Variants in MECOM observed in about 807,000 individuals in gnomAD.
MECOM encodes histone-lysine N-methyltransferase MECOM.
MECOM carries 13 observed loss-of-function variants against 116.3 expected under a neutral mutation model. That is an observed-to-expected ratio of 0.11 (90% CI 0.07 to 0.18). The LOEUF is 0.18. Among genes scored for constraint, MECOM ranks in the 10% least tolerant of loss-of-function variants. The probability of loss-of-function intolerance (pLI) is 1.00; values close to 1 mark genes in which losing one functional copy is unlikely to be tolerated. For synonymous variants in MECOM, 528 were observed against 535.2 expected, an observed-to-expected ratio of 0.99 and a Z score of 0.19; for missense variants, 1,299 against 1,509.0, an observed-to-expected ratio of 0.86 and a Z score of 2.31.
At chr3:169,585,130 A>G (rs1225947066) in intron 1 of MECOM, among the ~76,000 whole-genome samples, 1 of 152,214 alleles carries the variant, frequency 6.6e-6, no homozygotes, top group African/African-American at 2.4e-5. Flanking sequence ...TATGGATTAG[A>G]GGTCTTAGAA....
chr3:169,485,240 C>G (rs937168428), intron 1 of MECOM, among the ~76,000 whole-genome samples: 2 of 152,118 alleles, frequency 1.3e-5, no homozygotes, highest in African/African-American at 4.8e-5. Flanking sequence ...GGTGATCTAA[C>G]CGCCTCGGCC....
chr3:169,128,856 G>A (rs1264350053), intron 4 of MECOM, among the ~76,000 whole-genome samples: 3 of 152,104 alleles, frequency 2.0e-5, no homozygotes, highest in Non-Finnish European at 4.4e-5. Flanking sequence ...GGTAGTGATG[G>A]CATTGTTTCT....
chr3:169,623,372 C>T (rs753115157), intron 1 of MECOM, among the ~76,000 whole-genome samples: 30 of 152,052 alleles, frequency 2.0e-4, no homozygotes, highest in African/African-American at 2.9e-4. Flanking sequence ...TAAGTATTAT[C>T]GAAGAATGAT....
chr3:169,209,123 G>C (rs989363546), intron 2 of MECOM, among the ~76,000 whole-genome samples: 1 of 152,142 alleles, frequency 6.6e-6, no homozygotes, highest in African/African-American at 2.4e-5. Context: ...AAATGGTGCT[G>C]GAAAATCTGG....
intron 2 of MECOM, among the ~76,000 whole-genome samples, chr3:169,161,751 A>G (rs542981349): frequency 3.3e-5 from 5 of 152,052 alleles, no homozygotes; most frequent in African/African-American, 1.2e-4. Context: ...ATGCTATGTG[A>G]GTTTTGAAAT....
chr3:169,190,939 TCTA>T, intron 2 of MECOM, among the ~76,000 whole-genome samples: 1 of 151,966 alleles, frequency 6.6e-6, no homozygotes, highest in Non-Finnish European at 1.5e-5. Flanking sequence ...GGTGGCCACA[TCTA>T]CTCTTACACT....
chr3:169,440,665 A>G (rs1337606230), intron 1 of MECOM, among the ~76,000 whole-genome samples: 1 of 152,188 alleles, frequency 6.6e-6, no homozygotes, highest in Non-Finnish European at 1.5e-5. Context: ...TCATACTTGT[A>G]ATGAGACCTG....
At chr3:169,601,701 G>A (rs1461792254) in intron 1 of MECOM, among the ~76,000 whole-genome samples, 10 of 152,148 alleles carry the variant, frequency 6.6e-5, no homozygotes, top group Admixed American at 6.5e-4. Flanking sequence ...GTCACACTTA[G>A]AAGACATGAA....
At chr3:169,103,578 T>A (rs965944768) in intron 10 of MECOM, among the ~76,000 whole-genome samples, 1 of 152,180 alleles carries the variant, frequency 6.6e-6, no homozygotes, top group Non-Finnish European at 1.5e-5. Flanking sequence ...ACTGAGATGA[T>A]CACTGCAAAT....
intron 1 of MECOM, among the ~76,000 whole-genome samples, chr3:169,484,555 A>T (rs934018938): frequency 6.6e-6 from 1 of 152,242 alleles, no homozygotes; most frequent in Non-Finnish European, 1.5e-5. Context: ...TTTAAAATGC[A>T]ATTAGCTATT....
chr3:169,548,418 G>A (rs1760982295), intron 1 of MECOM, among the ~76,000 whole-genome samples: 2 of 152,144 alleles, frequency 1.3e-5, no homozygotes, highest in South Asian at 4.1e-4. Context: ...AGTCATAATT[G>A]GTTGGCCCTA....
chr3:169,148,030 T>G (rs542319502), intron 2 of MECOM, among the ~76,000 whole-genome samples: 128 of 152,318 alleles, frequency 8.4e-4, no homozygotes, highest in African/African-American at 2.9e-3. Context: ...AAAAAAATTT[T>G]TTTAATTGAA....
chr3:169,238,700 A>G (rs1002215543), intron 2 of MECOM, among the ~76,000 whole-genome samples: 11 of 152,240 alleles, frequency 7.2e-5, no homozygotes, highest in Admixed American at 5.9e-4. Context: ...TCAGATAAAC[A>G]AATCTGATTA....
intron 2 of MECOM, among the ~76,000 whole-genome samples, chr3:169,177,946 A>T (rs1347022239): frequency 6.6e-6 from 1 of 151,994 alleles, no homozygotes; most frequent in Non-Finnish European, 1.5e-5. Context: ...AAAAAACAAA[A>T]AAGAGAAAAA....
At chr3:169,225,083 G>T (rs1348709609) in intron 2 of MECOM, among the ~76,000 whole-genome samples, 1 of 152,136 alleles carries the variant, frequency 6.6e-6, no homozygotes, top group African/African-American at 2.4e-5. Flanking sequence ...AGATGATATT[G>T]ATAATGCTAA....
chr3:169,114,968 G>C (rs1443881746), intron 8 of MECOM, among the ~76,000 whole-genome samples: 1 of 152,104 alleles, frequency 6.6e-6, no homozygotes, highest in Non-Finnish European at 1.5e-5. Flanking sequence ...TCAAAAAAGA[G>C]TGGACTCTTG....
rs1308320572 is a variant in MECOM at position 169,122,734 on chromosome 3, A to G, written c.831-7T>C. ...CAGCATGTGTTTCTCCAGGCTGTTA[A>G]GAGAACAATAGATTTTAAAAGACAA... On this transcript the variant is annotated splice_region_variant and splice_polypyrimidine_tract_variant and intron_variant, in intron 5 of 16. Coordinates refer to ENST00000651503, the MANE Select transcript of MECOM (RefSeq NM_004991.4). The G allele has an allele frequency of 3.1e-6, 5 of 1,612,026 alleles. No homozygotes were observed. The highest frequency in any genetic ancestry group is 4.2e-6 in the Non-Finnish European group (5 of 1,178,570).
At chr3:169,104,499 T>C (rs1049850873) in intron 10 of MECOM, among the ~76,000 whole-genome samples, 1 of 152,176 alleles carries the variant, frequency 6.6e-6, no homozygotes, top group Non-Finnish European at 1.5e-5. Flanking sequence ...AGGGTCATGA[T>C]CACACACATT....
At chr3:169,148,748 A>G (rs140313179) in intron 2 of MECOM, among the ~76,000 whole-genome samples, 1 of 152,338 alleles carries the variant, frequency 6.6e-6, no homozygotes, top group East Asian at 1.9e-4. Context: ...GTGTAAATCC[A>G]GTAGAACTAT....
Sources: gnomAD v4.1 joint callset for allele counts (sites outside exome capture counted in the v4.1 genomes callset) on GRCh38, gnomAD v4.1.1 for gene constraint, MANE v1.5 for transcripts, NCBI Gene and HGNC (gene_info 2026-07-23, HGNC 2026-07-21) for gene names.